CAPZA2: variants seen among roughly 807,000 people sequenced by gnomAD.
CAPZA2 encodes the protein capping actin protein of muscle Z-line subunit alpha 2.
In CAPZA2, 13 loss-of-function variants were observed where a neutral mutation model predicts 44.0. The ratio of observed to expected loss-of-function variants is 0.30; its 90% CI spans 0.19 to 0.47. CAPZA2 has a LOEUF of 0.47. Ranked by LOEUF, CAPZA2 falls within the 20% of genes least tolerant of loss-of-function variation. CAPZA2 has a pLI of 1.00. For synonymous variants in CAPZA2, 94 were observed against 108.2 expected (o/e 0.87, Z 0.81); for missense variants, 244 against 338.6 (o/e 0.72, Z 2.19).
intron 3 of CAPZA2, among the ~76,000 whole-genome samples, chr7:116,896,817 G>A (rs1442619956): frequency 1.3e-5 from 2 of 152,044 alleles, no homozygotes; most frequent in African/African-American, 2.4e-5. Context: ...ATGAGTGGGT[G>A]CATGAAGTGA....
In CAPZA2 at chr7:116,919,136, T is replaced by C. The variant is rs1479214366; in HGVS notation, c.*1269T>C. ...AAAACACCACTTTTATTATGTACAA[T>C]AAAATATTTCATTAGCTTGAATTGT... On this transcript the variant is annotated 3_prime_UTR_variant, in exon 10 of 10. Coordinates refer to ENST00000361183, the MANE Select transcript of CAPZA2 (RefSeq NM_006136.3). The C allele has an allele frequency of 6.6e-6, 1 of 152,136 alleles. No homozygotes were observed. The highest frequency in any genetic ancestry group is 1.5e-5 in the Non-Finnish European group (1 of 67,948). 9.4% of individuals were successfully genotyped at this position (152,136 alleles called of 1,614,324 possible).
intron 1 of CAPZA2, among the ~76,000 whole-genome samples, chr7:116,869,860 T>G (rs2115870559): frequency 6.6e-6 from 1 of 150,924 alleles, no homozygotes; most frequent in Non-Finnish European, 1.5e-5. Flanking sequence ...ATTGCACACT[T>G]GTTTTTTTTG....
chr7:116,910,646 G>A (rs949581834), intron 7 of CAPZA2, among the ~76,000 whole-genome samples: 1 of 152,068 alleles, frequency 6.6e-6, no homozygotes, highest in Non-Finnish European at 1.5e-5. Context: ...GGGTGGAGTG[G>A]GGTGAAGTAT....
chr7:116,898,233 C>G (rs545150570), intron 3 of CAPZA2, among the ~76,000 whole-genome samples: 1 of 151,940 alleles, frequency 6.6e-6, no homozygotes, highest in East Asian at 1.9e-4. Flanking sequence ...CAATTCTCTT[C>G]TCTTCTCACT....
intron 1 of CAPZA2, among the ~76,000 whole-genome samples, chr7:116,881,448 A>T (rs1459859170): frequency 6.6e-6 from 1 of 152,162 alleles, no homozygotes; most frequent in African/African-American, 2.4e-5. Context: ...AAACTACAGT[A>T]CAATTATCAG....
intron 1 of CAPZA2, chr7:116,873,571 T>C (rs1174581236): frequency 6.5e-6 from 1 of 153,796 alleles, no homozygotes; most frequent in Non-Finnish European, 1.5e-5. Context: ...TGCCAAATGT[T>C]CAGCAAAGGC....
intron 4 of CAPZA2, among the ~76,000 whole-genome samples, chr7:116,901,077 A>G (rs1203824401): frequency 6.6e-6 from 1 of 152,022 alleles, no homozygotes; most frequent in Non-Finnish European, 1.5e-5. Context: ...TGTATATTCA[A>G]CTATTATAGA....
chr7:116,888,473 G>A (rs1324163082), intron 2 of CAPZA2: 3 of 267,480 alleles, frequency 1.1e-5, no homozygotes, highest in African/African-American at 2.2e-5. Context: ...AGTCTTTTTG[G>A]TAAATGGTTT....
chr7:116,867,323 A>G (rs1325803376), intron 1 of CAPZA2, among the ~76,000 whole-genome samples: 4 of 152,166 alleles, frequency 2.6e-5, no homozygotes, highest in Admixed American at 2.6e-4. Context: ...TTAGGCTTTT[A>G]CTAGAAAATT....
chr7:116,915,642 G>C (rs1490140765), intron 8 of CAPZA2: 4 of 141,620 alleles, frequency 2.8e-5, no homozygotes, highest in Non-Finnish European at 6.0e-5. Flanking sequence ...CCTGATTAGT[G>C]ATTTTTTTTT....
chr7:116,907,621 T>C (rs1332417932), intron 6 of CAPZA2, among the ~76,000 whole-genome samples: 2 of 152,168 alleles, frequency 1.3e-5, no homozygotes, highest in African/African-American at 4.8e-5. Flanking sequence ...TTAACATATA[T>C]AAAATGAAGA....
intron 3 of CAPZA2, among the ~76,000 whole-genome samples, chr7:116,897,935 G>C (rs1237228744): frequency 6.6e-6 from 1 of 151,972 alleles, no homozygotes; most frequent in African/African-American, 2.4e-5. Flanking sequence ...AAGTACTTCT[G>C]TGTTCTCCTT....
rs549308126 is a variant in CAPZA2 at position 116,889,314 on chromosome 7, G to A, written c.103+1124G>A. Among the ~76,000 whole-genome samples the A allele has an allele frequency of 5.2e-4, 79 of 152,210 alleles. 1 individual carries two copies. Among genetic ancestry groups the A allele is most frequent in the Admixed American group, 3.2e-3 (49 of 15,290 alleles). On this transcript the variant is annotated intron_variant, in intron 2 of 9. Transcript: ENST00000361183. ...TCTTCATATACATTTGAACTTCACC[G>A]TGTCTTAAAAGTGAATTTACACAGA... is the stretch of plus-strand genomic sequence containing the variant.
chr7:116,888,705 G>C (rs1405812456), intron 2 of CAPZA2: 2 of 147,920 alleles, frequency 1.4e-5, no homozygotes, highest in Non-Finnish European at 3.0e-5. Context: ...AAAAAGCCAG[G>C]TGTGGTGGCA....
chr7:116,891,808 G>A (rs1176194707), intron 2 of CAPZA2, among the ~76,000 whole-genome samples: 5 of 152,156 alleles, frequency 3.3e-5, no homozygotes, highest in Admixed American at 2.6e-4. Flanking sequence ...ACCACACCCG[G>A]CCAGGATATT....
intron 9 of CAPZA2, among the ~76,000 whole-genome samples, chr7:116,917,402 C>A (rs1791694750): frequency 6.6e-6 from 1 of 152,124 alleles, no homozygotes; most frequent in African/African-American, 2.4e-5. Context: ...CTACAGACGC[C>A]CGCCACCATG....
chr7:116,893,161 C>T (rs1232964909), intron 3 of CAPZA2, 116 bp downstream of exon 3: 3 of 557,890 alleles, frequency 5.4e-6, no homozygotes, highest in Non-Finnish European at 9.3e-6. Flanking sequence ...GATGGAGTCT[C>T]ACTCTGTCGT....
Position 116,894,138 on chromosome 7 carries a change from C to T in CAPZA2, c.155+1093C>T, listed in dbSNP as rs536161900. 2.0e-3 allele frequency among the ~76,000 whole-genome samples: 304 copies of T among 152,158 alleles called. 2 individuals carry two copies. Among genetic ancestry groups the T allele is most frequent in the African/African-American group, 6.9e-3 (285 of 41,508 alleles). ...CAGCACTTTGGGAGGCCGAGGCAGG[C>T]GGATTACGAGGTCAAGAGATTGAGA... On this transcript the variant is annotated intron_variant, in intron 3 of 9. Coordinates refer to ENST00000361183, the MANE Select transcript of CAPZA2 (RefSeq NM_006136.3).
At chr7:116,876,249 C>CAAA (rs34563707) in intron 1 of CAPZA2, 3 of 89,152 alleles carry the variant, frequency 3.4e-5, no homozygotes, top group Non-Finnish European at 2.3e-5. Flanking sequence ...GACTCCATCT[C>CAAA]AAAAAAAAAA....
Sources: allele counts gnomAD v4.1 joint callset (sites outside exome capture counted in the v4.1 genomes callset), GRCh38; gene constraint gnomAD v4.1.1; transcripts MANE v1.5; gene names NCBI Gene and HGNC (gene_info 2026-07-23, HGNC 2026-07-21).